Variants in PCDHA4 observed in about 807,000 individuals in gnomAD.
PCDHA4 encodes the protein protocadherin alpha 4, also known as protocadherin alpha-4.
In PCDHA4, 49 loss-of-function variants were observed where a neutral mutation model predicts 61.4. The ratio of observed to expected loss-of-function variants is 0.80; its 90% CI spans 0.63 to 1.01. The LOEUF is 1.01. PCDHA4 is among the 50% of genes least tolerant of loss of function. The pLI is 0.00. For synonymous variants in PCDHA4, 590 were observed against 550.3 expected, an observed-to-expected ratio of 1.07 and a Z score of -1.01; for missense variants, 1,254 against 1,235.8, an observed-to-expected ratio of 1.01 and a Z score of -0.22.
intron 1 of PCDHA4, among the ~76,000 whole-genome samples, chr5:140,855,207 A>G (rs1554147686): frequency 6.7e-6 from 1 of 149,928 alleles, no homozygotes; most frequent in East Asian, 1.9e-4. Flanking sequence ...AATAGTTTCC[A>G]TTTATGAAGC....
intron 1 of PCDHA4, among the ~76,000 whole-genome samples, chr5:140,957,226 C>T (rs1421287024): frequency 1.3e-5 from 2 of 152,080 alleles, no homozygotes; most frequent in African/African-American, 4.8e-5. Context: ...TTTGGCGAAG[C>T]ATTTTGGCAT....
intron 1 of PCDHA4, among the ~76,000 whole-genome samples, chr5:140,855,264 T>C (rs560224323): frequency 1.3e-5 from 2 of 149,870 alleles, no homozygotes; most frequent in South Asian, 4.2e-4. Context: ...TATATTATAA[T>C]TCACTCAACC....
chr5:140,836,336 G>A (rs1346966791), intron 1 of PCDHA4: 4 of 1,613,640 alleles, frequency 2.5e-6, no homozygotes, highest in Admixed American at 1.7e-5. Context: ...TGGTGCTTGT[G>A]AAGGACCACG....
At chr5:140,967,845 A>G in intron 1 of PCDHA4, 3 of 1,614,160 alleles carry the variant, frequency 1.9e-6, no homozygotes, top group Non-Finnish European at 2.5e-6. Flanking sequence ...GACGTGAATG[A>G]CAATGCCCCA....
At chr5:140,867,702 A>G (rs560641093) in intron 1 of PCDHA4, 1 of 152,136 alleles carries the variant, frequency 6.6e-6, no homozygotes, top group Admixed American at 6.5e-5. Flanking sequence ...TTCCTCCTAA[A>G]TCCTAAGGGT....
chr5:140,880,407 C>T (rs1198132829), intron 1 of PCDHA4, among the ~76,000 whole-genome samples: 1 of 152,128 alleles, frequency 6.6e-6, no homozygotes, highest in Non-Finnish European at 1.5e-5. Context: ...ATATGGTTGA[C>T]CTTAAAAGCG....
chr5:140,882,002 G>A (rs2153382146), intron 1 of PCDHA4: 1 of 489,088 alleles, frequency 2.0e-6, no homozygotes, highest in South Asian at 5.2e-5. Context: ...AAATGCAAGG[G>A]GCAAAAAAAT....
At position 140,836,981 on chromosome 5, in the gene PCDHA4, G is replaced by A. The variant is rs183710042; in HGVS notation, c.2385+27409G>A. ...TGTTGGCTACTCTCCATTTTTGGAG[G>A]AGGACTTTGCTAACTGGAGCAATGG... On this transcript the variant is annotated intron_variant, in intron 1 of 3. Coordinates refer to ENST00000530339, the MANE Select transcript of PCDHA4 (RefSeq NM_018907.4). 6.9e-5 allele frequency: 25 copies of A among 364,912 alleles called. 1 individual carries two copies. The highest frequency in any genetic ancestry group is 8.2e-5 in the Non-Finnish European group (17 of 207,076). The allele number at this position is 364,912 out of a possible 1,614,324, so 22.6% of individuals were successfully genotyped here.
chr5:140,950,711 T>C (rs1173209854), intron 1 of PCDHA4, among the ~76,000 whole-genome samples: 2 of 152,094 alleles, frequency 1.3e-5, no homozygotes, highest in African/African-American at 4.8e-5. Flanking sequence ...TTTTTGTTCC[T>C]TATATCCTTA....
rs139533789 is a variant in PCDHA4, at chr5:140,857,716, C to T, written c.2385+48144C>T. On this transcript the variant is annotated intron_variant, in intron 1 of 3. Coordinates refer to ENST00000530339, the MANE Select transcript of PCDHA4 (RefSeq NM_018907.4). Reference sequence around the variant, plus strand: ...TGACGCTGCAGGTGTTCGTGCTGGACGAGAACGACAACGCTCCCGCGCTGC... The same window carrying T: ...TGACGCTGCAGGTGTTCGTGCTGGATGAGAACGACAACGCTCCCGCGCTGC... 4,225 of 1,597,384 alleles carry T rather than the reference C, an allele frequency of 2.6e-3. 332 individuals are homozygous for T. The highest frequency in any genetic ancestry group is 8.2e-3 in the Middle Eastern group (46 of 5,608).
At chr5:140,875,524 C>T in intron 1 of PCDHA4, 1 of 1,614,084 alleles carries the variant, frequency 6.2e-7, no homozygotes, top group East Asian at 2.2e-5. Context: ...GCTGCTCTCG[C>T]TTCTGCTCCT....
rs2150410181 is a variant in PCDHA4 at position 140,848,414 on chromosome 5, C to A, written c.2385+38842C>A. On this transcript the variant is annotated intron_variant, in intron 1 of 3. Transcript: ENST00000530339. ...CTGTGCTGAACGATGGCGAACACAGCAGAATGGGACTGACGAAATCAGATG... is the reference window on the plus strand; with the variant it reads ...CTGTGCTGAACGATGGCGAACACAGAAGAATGGGACTGACGAAATCAGATG... The A allele has an allele frequency of 1.2e-3, 1,716 of 1,381,822 alleles. 109 individuals carry two copies. The African/African-American group carries it at 0.021, about 17-fold the overall frequency. The allele number at this position is 1,381,822 out of a possible 1,614,324, so 85.6% of individuals were successfully genotyped here. A position where few individuals can be genotyped will look rare whatever the true frequency, so the allele number is the denominator to read the frequency against.
intron 3 of PCDHA4, among the ~76,000 whole-genome samples, chr5:140,994,613 G>A (rs1452021453): frequency 2.0e-5 from 3 of 152,082 alleles, no homozygotes; most frequent in Admixed American, 6.5e-5. Flanking sequence ...GCTGAGGCAC[G>A]AGAGTCACTT....
At chr5:140,951,311 T>G (rs1240303466) in intron 1 of PCDHA4, among the ~76,000 whole-genome samples, 4 of 152,224 alleles carry the variant, frequency 2.6e-5, no homozygotes, top group African/African-American at 9.6e-5. Context: ...ATTAATGTGT[T>G]ATTCTTGAGA....
At chr5:140,926,707 C>A in intron 1 of PCDHA4, 5 of 886,092 alleles carry the variant, frequency 5.6e-6, no homozygotes, top group Non-Finnish European at 7.9e-6. Context: ...TCCCAGCTGG[C>A]CAGCCCCGGC....
At chr5:140,826,432 T>G (rs1245508163) in intron 1 of PCDHA4, among the ~76,000 whole-genome samples, 1 of 152,176 alleles carries the variant, frequency 6.6e-6, no homozygotes, top group African/African-American at 2.4e-5. Flanking sequence ...GAATTTCACA[T>G]GGAAGAAAAG....
In PCDHA4 at chr5:140,857,500, G is replaced by A; in HGVS notation, c.2385+47928G>A. On this transcript the variant is annotated intron_variant, in intron 1 of 3. Transcript: ENST00000530339. The stretch of plus-strand genomic sequence containing the variant: ...TGTCTGCGTGGGACGCGGACGCGCA[G>A]GAGAACGCCCTGGTGTCCTACTCTC... 1.3e-6 allele frequency: 2 copies of A among 1,598,362 alleles called. 1 individual carries two copies. Among genetic ancestry groups the A allele is most frequent in the Non-Finnish European group, 1.7e-6 (2 of 1,167,860 alleles).
At chr5:140,950,195 C>A (rs186601471) in intron 1 of PCDHA4, among the ~76,000 whole-genome samples, 1 of 152,028 alleles carries the variant, frequency 6.6e-6, no homozygotes, top group Non-Finnish European at 1.5e-5. Context: ...AAAAAATAGT[C>A]ATTTCTGTTT....
At chr5:140,870,142 C>T (rs782428763) in intron 1 of PCDHA4, 3 of 1,613,946 alleles carry the variant, frequency 1.9e-6, no homozygotes, top group South Asian at 1.1e-5. Flanking sequence ...CGATAACTCT[C>T]CTGAAGTCGC....
Sources: allele counts gnomAD v4.1 joint callset (sites outside exome capture counted in the v4.1 genomes callset), GRCh38; gene constraint gnomAD v4.1.1; transcripts MANE v1.5; gene names NCBI Gene and HGNC (gene_info 2026-07-23, HGNC 2026-07-21).